AUTS2: variants seen among roughly 807,000 people sequenced by gnomAD.
AUTS2 encodes the protein activator of transcription and developmental regulator AUTS2.
AUTS2 carries 17 observed loss-of-function variants against 112.4 expected under a neutral mutation model. The ratio of observed to expected loss-of-function variants is 0.15; its 90% CI spans 0.10 to 0.23. The LOEUF (loss-of-function observed/expected upper bound fraction) is 0.23, where lower values mean the gene tolerates loss of function less well. AUTS2 is among the 10% of genes least tolerant of loss of function. The probability of loss-of-function intolerance (pLI) is 1.00; values close to 1 mark genes in which losing one functional copy is unlikely to be tolerated. For synonymous variants in AUTS2, 751 were observed against 702.7 expected (o/e 1.07, Z -1.09); for missense variants, 1,510 against 1,701.6 (o/e 0.89, Z 1.98).
intron 12 of AUTS2, chr7:70,774,397 CTCTG>C (rs1247913412): frequency 9.3e-5 from 34 of 366,278 alleles, no homozygotes; most frequent in African/African-American, 5.1e-4. Flanking sequence ...AACCAATCTT[CTCTG>C]TCTGTATCTC....
At chr7:70,283,962 G>A (rs972398717) in intron 4 of AUTS2, among the ~76,000 whole-genome samples, 3 of 152,062 alleles carry the variant, frequency 2.0e-5, no homozygotes, top group Non-Finnish European at 4.4e-5. Flanking sequence ...TCACAATCCC[G>A]TAGTTTATCT....
At chr7:69,708,841 C>T in intron 1 of AUTS2, among the ~76,000 whole-genome samples, 1 of 152,142 alleles carries the variant, frequency 6.6e-6, no homozygotes, top group East Asian at 1.9e-4. Context: ...TTGAGAAAAT[C>T]AGATTATCTC....
At chr7:69,801,686 CA>C (rs1790090873) in intron 1 of AUTS2, among the ~76,000 whole-genome samples, 1 of 152,104 alleles carries the variant, frequency 6.6e-6, no homozygotes, top group Non-Finnish European at 1.5e-5. Context: ...TTCATTCATT[CA>C]ACAGTTTTGT....
At chr7:70,479,190 CTT>C (rs1420482548) in intron 5 of AUTS2, among the ~76,000 whole-genome samples, 2 of 152,028 alleles carry the variant, frequency 1.3e-5, no homozygotes, top group African/African-American at 4.8e-5. Flanking sequence ...TTTTTAATGA[CTT>C]TTTAAAATCT....
chr7:70,137,378 T>C (rs1178676679), intron 4 of AUTS2, among the ~76,000 whole-genome samples: 1 of 151,946 alleles, frequency 6.6e-6, no homozygotes, highest in Non-Finnish European at 1.5e-5. Flanking sequence ...TAAATGAAAG[T>C]ATAGACTAGT....
intron 2 of AUTS2, among the ~76,000 whole-genome samples, chr7:70,070,654 AAG>A (rs1802715927): frequency 6.6e-6 from 1 of 152,176 alleles, no homozygotes; most frequent in Non-Finnish European, 1.5e-5. Flanking sequence ...TCATGAGGTC[AAG>A]AGATCGAGAC....
At chr7:70,789,690 C>T in intron 18 of AUTS2, 58 bp from the exon 19 acceptor site, 2 of 1,559,374 alleles carry the variant, frequency 1.3e-6, no homozygotes, top group South Asian at 1.2e-5. Context: ...AGCCCCTGGC[C>T]CGGCCGACTC....
chr7:70,022,099 TAAG>T (rs1190506167), intron 2 of AUTS2, among the ~76,000 whole-genome samples: 7 of 149,542 alleles, frequency 4.7e-5, no homozygotes, highest in Non-Finnish European at 8.9e-5. Flanking sequence ...AATATTGATG[TAAG>T]AAGAGGCTAC....
chr7:70,427,013 A>G (rs984686793), intron 4 of AUTS2, among the ~76,000 whole-genome samples: 1 of 150,584 alleles, frequency 6.6e-6, no homozygotes, highest in Non-Finnish European at 1.5e-5. Flanking sequence ...ACCCCACCCA[A>G]AGCACCAAGA....
intron 1 of AUTS2, among the ~76,000 whole-genome samples, chr7:69,797,714 A>G (rs775974730): frequency 6.6e-6 from 1 of 152,162 alleles, no homozygotes; most frequent in Non-Finnish European, 1.5e-5. Flanking sequence ...TTTCTTTTCT[A>G]ACACTATAAG....
At chr7:69,792,253 T>G (rs531876526) in intron 1 of AUTS2, among the ~76,000 whole-genome samples, 9 of 152,044 alleles carry the variant, frequency 5.9e-5, no homozygotes, top group East Asian at 1.9e-4. Flanking sequence ...GTTTTGTTTT[T>G]TTTTAAGACG....
At chr7:69,751,357 ATATT>A (rs1267595757) in intron 1 of AUTS2, among the ~76,000 whole-genome samples, 2 of 152,130 alleles carry the variant, frequency 1.3e-5, no homozygotes, top group Admixed American at 1.3e-4. Flanking sequence ...TATGACCTAA[ATATT>A]CTGTTCAAAA....
At chr7:70,548,331 A>G (rs1053450349) in intron 5 of AUTS2, among the ~76,000 whole-genome samples, 3 of 152,088 alleles carry the variant, frequency 2.0e-5, no homozygotes, top group African/African-American at 4.8e-5. Flanking sequence ...TATCCTGGGT[A>G]TATGATTTGC....
chr7:70,061,803 C>T (rs1189316023), intron 2 of AUTS2, among the ~76,000 whole-genome samples: 3 of 151,042 alleles, frequency 2.0e-5, no homozygotes, highest in South Asian at 2.1e-4. Flanking sequence ...TTTGCTCCCC[C>T]GGAGACGGAG....
intron 5 of AUTS2, among the ~76,000 whole-genome samples, chr7:70,616,574 T>C (rs574071423): frequency 6.6e-6 from 1 of 152,306 alleles, no homozygotes; most frequent in East Asian, 1.9e-4. Flanking sequence ...AGTTTTTACA[T>C]ACTGTTGAGT....
chr7:69,876,343 AAAAAAAATATATATATATAT>A (rs987901436), intron 1 of AUTS2, among the ~76,000 whole-genome samples: 1 of 80,592 alleles, frequency 1.2e-5, no homozygotes, highest in African/African-American at 5.1e-5. Flanking sequence ...AAAAAAAAAA[AAAAAAAATATATATATATAT>A]ATATATATAT....
intron 1 of AUTS2, among the ~76,000 whole-genome samples, chr7:69,790,499 T>C (rs528204531): frequency 2.6e-5 from 4 of 152,326 alleles, no homozygotes; most frequent in Non-Finnish European, 4.4e-5. Context: ...AATCGTATAA[T>C]AGGAACCATG....
At chr7:70,135,337 G>A (rs1232280316) in intron 4 of AUTS2, among the ~76,000 whole-genome samples, 3 of 152,062 alleles carry the variant, frequency 2.0e-5, no homozygotes, top group Admixed American at 2.0e-4. Context: ...TGTACAATAG[G>A]ATAACATGTC....
intron 5 of AUTS2, among the ~76,000 whole-genome samples, chr7:70,532,472 C>G (rs184809040): frequency 9.2e-5 from 14 of 152,266 alleles, no homozygotes; most frequent in Admixed American, 4.6e-4. Context: ...AGTTGTTCAA[C>G]CAAGGCCTAC....
Sources: gnomAD v4.1 joint callset for allele counts (sites outside exome capture counted in the v4.1 genomes callset) on GRCh38, gnomAD v4.1.1 for gene constraint, MANE v1.5 for transcripts, NCBI Gene and HGNC (gene_info 2026-07-23, HGNC 2026-07-21) for gene names.